Variants in GRIN2B observed in about 807,000 individuals in gnomAD.
GRIN2B encodes the protein glutamate receptor ionotropic, NMDA 2B.
A neutral mutation model predicts 114.5 loss-of-function variants in GRIN2B; 5 were observed. The observed-to-expected ratio is 0.04, with a 90% confidence interval of 0.02 to 0.09. The LOEUF is 0.09. Ranked by LOEUF, GRIN2B falls within the 10% of genes least tolerant of loss-of-function variation. The pLI is 1.00. For missense variants in GRIN2B, 1,108 were observed against 1,943.5 expected, an observed-to-expected ratio of 0.57 and a Z score of 8.08; for synonymous variants, 787 against 745.1, an observed-to-expected ratio of 1.06 and a Z score of -0.92.
rs115876516 is a variant in GRIN2B at position 13,856,388 on chromosome 12, C to T, written c.411+9410G>A. On this transcript the variant is annotated intron_variant, in intron 3 of 13. Coordinates refer to ENST00000609686, the MANE Select transcript of GRIN2B (RefSeq NM_000834.5). ...TTTAAGCAAAAAAGTAATAATAGAT[C>T]TGAGTTTCCAAAGAATCATAGGTAA... is the stretch of plus-strand genomic sequence containing the variant. Among the ~76,000 whole-genome samples the T allele has an allele frequency of 6.5e-3, 993 of 152,212 alleles. 6 individuals are homozygous for T. Among genetic ancestry groups the T allele is most frequent in the African/African-American group, 0.022 (922 of 41,532 alleles).
At position 13,563,551 on chromosome 12, in the gene GRIN2B, C is replaced by G. The variant is rs765399152; in HGVS notation, c.3687G>C (p.Val1229=). Residue 1229 remains valine (V), a synonymous_variant, in exon 14 of 14, where the codon GTG becomes GTC. Coordinates refer to ENST00000609686, the MANE Select transcript of GRIN2B (RefSeq NM_000834.5). ...CCTGCCTGCCCGAGTTCTGACCCGTCACCGTCGTGGAGTAGTTGTGCAGCT... is the reference window on the plus strand; with the variant it reads ...CCTGCCTGCCCGAGTTCTGACCCGTGACCGTCGTGGAGTAGTTGTGCAGCT... ...PSKLHNYSTT[V]TGQNSGRQAC... is the part of the protein sequence containing the mutation. 2.5e-6 allele frequency: 4 copies of G among 1,614,158 alleles called. No individual in the cohort carries two copies. The South Asian group carries it at 4.4e-5, about 18-fold the overall frequency.
intron 4 of GRIN2B, among the ~76,000 whole-genome samples, chr12:13,692,253 T>C (rs1021276616): frequency 6.6e-6 from 1 of 152,024 alleles, no homozygotes; most frequent in African/African-American, 2.4e-5. Flanking sequence ...ACTATGAAGA[T>C]AGGTACCAAG....
chr12:13,921,388 G>A (rs78995056), intron 2 of GRIN2B, among the ~76,000 whole-genome samples: 3,938 of 152,168 alleles, frequency 0.026, 119 homozygotes, highest in East Asian at 0.1. Flanking sequence ...TGGGTGACAG[G>A]AGCAAGACTA....
intron 4 of GRIN2B, among the ~76,000 whole-genome samples, chr12:13,729,718 G>C (rs572910377): frequency 6.6e-6 from 1 of 151,572 alleles, no homozygotes; most frequent in South Asian, 2.1e-4. Context: ...ACTCTGTTCT[G>C]TGAAGGATTC....
At chr12:13,826,995 C>T (rs1433962297) in intron 3 of GRIN2B, among the ~76,000 whole-genome samples, 24 of 149,128 alleles carry the variant, frequency 1.6e-4, no homozygotes, top group Admixed American at 1.6e-3. Context: ...GATATTTTTG[C>T]TAGGTGTAGA....
At chr12:13,752,151 CTA>C (rs1413150614) in intron 4 of GRIN2B, among the ~76,000 whole-genome samples, 2 of 152,336 alleles carry the variant, frequency 1.3e-5, no homozygotes, top group East Asian at 1.9e-4. Context: ...TCAACCTCCA[CTA>C]TATGTTTTTT....
chr12:13,839,115 G>A lies in GRIN2B; in HGVS notation c.411+26683C>T, dbSNP rs560738352. Among the ~76,000 whole-genome samples the A allele has an allele frequency of 4.6e-5, 7 of 152,336 alleles. No homozygotes were observed. The East Asian group carries it at 1.4e-3, about 29-fold the overall frequency. The stretch of plus-strand genomic sequence containing the variant: ...TAACACCTACTGATCACACTCTGAG[G>A]TTAAGTCAGCTCTGGCACTGTGAAG... On this transcript the variant is annotated intron_variant, in intron 3 of 13. Coordinates refer to ENST00000609686, the MANE Select transcript of GRIN2B (RefSeq NM_000834.5).
intron 2 of GRIN2B, among the ~76,000 whole-genome samples, chr12:13,875,038 C>T (rs1865973376): frequency 6.6e-6 from 1 of 152,128 alleles, no homozygotes. Flanking sequence ...GCCCAGCATC[C>T]ATTAGCTATT....
chr12:13,817,674 T>A (rs948679269), intron 3 of GRIN2B, among the ~76,000 whole-genome samples: 1 of 152,196 alleles, frequency 6.6e-6, no homozygotes, highest in Admixed American at 6.5e-5. Flanking sequence ...ATTATTTTTT[T>A]AAATGTCCCC....
chr12:13,969,432 C>T lies in GRIN2B; in HGVS notation c.-19+10496G>A, dbSNP rs146798255. Among the ~76,000 whole-genome samples, 128 of 152,344 alleles carry T rather than the reference C, an allele frequency of 8.4e-4. 1 individual carries two copies. Among genetic ancestry groups the T allele is most frequent in the African/African-American group, 2.9e-3 (121 of 41,566 alleles). On this transcript the variant is annotated intron_variant, in intron 2 of 13. Transcript: ENST00000609686. ...TAGCTGTGTAACATTCAGCTCTCTA[C>T]TCCTCAGTTTATCTGAGAAACAGAA...
At chr12:13,743,923 T>C (rs866750147) in intron 4 of GRIN2B, among the ~76,000 whole-genome samples, 10 of 152,160 alleles carry the variant, frequency 6.6e-5, no homozygotes, top group Admixed American at 2.0e-4. Flanking sequence ...TTTTGGAAAA[T>C]TGTGAAAAGG....
At chr12:13,861,724 C>T (rs1308602787) in intron 3 of GRIN2B, among the ~76,000 whole-genome samples, 2 of 152,134 alleles carry the variant, frequency 1.3e-5, no homozygotes, top group South Asian at 2.1e-4. Flanking sequence ...CACTTCAGAG[C>T]CTTCCCCCAG....
intron 3 of GRIN2B, among the ~76,000 whole-genome samples, chr12:13,840,584 T>C (rs1299724703): frequency 6.6e-6 from 1 of 152,182 alleles, no homozygotes; most frequent in Non-Finnish European, 1.5e-5. Flanking sequence ...ATCATTAATG[T>C]CATATGTTAA....
chr12:13,568,716 A>G (rs147828885), intron 12 of GRIN2B, among the ~76,000 whole-genome samples: 1 of 152,364 alleles, frequency 6.6e-6, no homozygotes, highest in African/African-American at 2.4e-5. Context: ...GAAGCCAACA[A>G]GGGTCTGGCT....
chr12:13,678,784 T>C (rs893711147), intron 4 of GRIN2B, among the ~76,000 whole-genome samples: 5 of 152,098 alleles, frequency 3.3e-5, no homozygotes, highest in Non-Finnish European at 7.3e-5. Context: ...ATTCATTGCA[T>C]AGAATATAAT....
At chr12:13,795,787 A>G (rs1356898413) in intron 3 of GRIN2B, among the ~76,000 whole-genome samples, 1 of 152,200 alleles carries the variant, frequency 6.6e-6, no homozygotes, top group East Asian at 1.9e-4. Flanking sequence ...TTGTAGGGAC[A>G]TGGATGAAGC....
At chr12:13,949,946 T>G (rs1452558127) in intron 2 of GRIN2B, among the ~76,000 whole-genome samples, 1 of 152,050 alleles carries the variant, frequency 6.6e-6, no homozygotes, top group African/African-American at 2.4e-5. Flanking sequence ...AAGGAGGAAC[T>G]CAAAAGAGAG....
chr12:13,633,098 G>C (rs897435916), intron 5 of GRIN2B, among the ~76,000 whole-genome samples: 44 of 152,328 alleles, frequency 2.9e-4, no homozygotes, highest in African/African-American at 1.0e-3. Flanking sequence ...ATGGGAAAGG[G>C]AAGTCACATA....
At chr12:13,963,754 C>T (rs1215888662) in intron 2 of GRIN2B, among the ~76,000 whole-genome samples, 1 of 152,176 alleles carries the variant, frequency 6.6e-6, no homozygotes, top group African/African-American at 2.4e-5. Context: ...GGCACTAGGG[C>T]TCCCATCTTT....
Sources: gnomAD v4.1 joint callset for allele counts (sites outside exome capture counted in the v4.1 genomes callset) on GRCh38, gnomAD v4.1.1 for gene constraint, MANE v1.5 for transcripts, NCBI Gene and HGNC (gene_info 2026-07-23, HGNC 2026-07-21) for gene names.